STYX: variants seen among roughly 807,000 people sequenced by gnomAD.
STYX encodes serine/threonine/tyrosine-interacting protein.
Under a neutral mutation model 42.7 loss-of-function variants are expected in STYX, and 20 were observed. The ratio of observed to expected loss-of-function variants is 0.47; its 90% CI spans 0.33 to 0.68. STYX has a LOEUF of 0.68. Ranked by LOEUF, STYX falls within the 30% of genes least tolerant of loss-of-function variation. The pLI is 0.02. For synonymous variants in STYX, 78 were observed against 81.9 expected (o/e 0.95, Z 0.26); for missense variants, 226 against 268.5 (o/e 0.84, Z 1.11).
In STYX at chr14:52,774,107, A is replaced by G. The variant is rs1218829616; in HGVS notation, c.*3001A>G. ...ACTGCAGTGACCTTTACTTGTATCT[A>G]CTCTGTGGTGGAAATGTTAAACCAT... On this transcript the variant is annotated 3_prime_UTR_variant, in exon 11 of 11. Coordinates refer to ENST00000354586, the MANE Select transcript of STYX (RefSeq NM_145251.4). 6.6e-6 allele frequency: 1 copy of G among 152,062 alleles called. No homozygotes were observed. Among genetic ancestry groups the G allele is most frequent in the Non-Finnish European group, 1.5e-5 (1 of 67,990 alleles). 9.4% of individuals were successfully genotyped at this position (152,062 alleles called of 1,614,324 possible).
chr14:52,751,898 C>CA (rs1312308270), intron 4 of STYX, among the ~76,000 whole-genome samples: 8 of 152,250 alleles, frequency 5.3e-5, no homozygotes, highest in African/African-American at 1.9e-4. Flanking sequence ...CACGGTGGCT[C>CA]ACGCCTGTAA....
At chr14:52,749,815 A>C (rs1881540038) in intron 3 of STYX, among the ~76,000 whole-genome samples, 1 of 152,204 alleles carries the variant, frequency 6.6e-6, no homozygotes, top group African/African-American at 2.4e-5. Context: ...AATGCTCCAA[A>C]GTGAAACTTT....
intron 3 of STYX, among the ~76,000 whole-genome samples, chr14:52,748,489 A>G (rs1002471167): frequency 6.6e-5 from 10 of 152,220 alleles, no homozygotes; most frequent in African/African-American, 2.4e-4. Context: ...GTTTAAATAA[A>G]AGGGACAAAT....
chr14:52,754,502 C>A (rs1881776632), intron 4 of STYX, among the ~76,000 whole-genome samples: 1 of 151,958 alleles, frequency 6.6e-6, no homozygotes, highest in African/African-American at 2.4e-5. Context: ...CATGAGCCAC[C>A]ACACCTGGCC....
In STYX at chr14:52,771,418, C is replaced by T. The variant is rs1168783880; in HGVS notation, c.*312C>T. The T allele has an allele frequency of 4.7e-6, 1 of 211,218 alleles. No individual in the cohort carries two copies. The highest frequency in any genetic ancestry group is 9.3e-6 in the Non-Finnish European group (1 of 106,962). 13.1% of individuals were successfully genotyped at this position (211,218 alleles called of 1,614,324 possible). A position where few individuals can be genotyped will look rare whatever the true frequency, so the allele number is the denominator to read the frequency against. ...TTATTGCAATAATGCACTTTTCATA[C>T]TTGAAATTTATTTGTATGATATAAA... On this transcript the variant is annotated 3_prime_UTR_variant, in exon 11 of 11. Coordinates refer to ENST00000354586, the MANE Select transcript of STYX (RefSeq NM_145251.4).
At chr14:52,738,257 C>T (rs191769671) in intron 1 of STYX, among the ~76,000 whole-genome samples, 6 of 152,316 alleles carry the variant, frequency 3.9e-5, no homozygotes, top group Admixed American at 1.3e-4. Flanking sequence ...CTAATGTTCT[C>T]TGAAGAAGGC....
intron 5 of STYX, among the ~76,000 whole-genome samples, chr14:52,756,828 C>T (rs1881889588): frequency 6.6e-6 from 1 of 151,878 alleles, no homozygotes; most frequent in Non-Finnish European, 1.5e-5. Flanking sequence ...GCTGGGATTA[C>T]AGGCATGAGC....
At chr14:52,764,935 C>T (rs1029593240) in intron 9 of STYX, among the ~76,000 whole-genome samples, 1 of 152,132 alleles carries the variant, frequency 6.6e-6, no homozygotes, top group Admixed American at 6.5e-5. Flanking sequence ...TCCCGAAGTG[C>T]TGGGATTACG....
intron 9 of STYX, among the ~76,000 whole-genome samples, chr14:52,767,851 T>G (rs1882369074): frequency 6.6e-6 from 1 of 152,172 alleles, no homozygotes; most frequent in South Asian, 2.1e-4. Flanking sequence ...CTCAGGTGAT[T>G]CTCATGTATA....
intron 1 of STYX, among the ~76,000 whole-genome samples, chr14:52,743,442 G>T (rs533075476): frequency 6.6e-6 from 1 of 151,926 alleles, no homozygotes; most frequent in Non-Finnish European, 1.5e-5. Flanking sequence ...AAATTATGGC[G>T]TGGTGGTGGG....
intron 1 of STYX, among the ~76,000 whole-genome samples, chr14:52,733,456 G>A (rs1011425432): frequency 6.6e-6 from 1 of 152,094 alleles, no homozygotes; most frequent in African/African-American, 2.4e-5. Flanking sequence ...AAGTTAGTCA[G>A]ATCCCACAGG....
Position 52,774,833 on chromosome 14 carries a change from G to T in STYX, c.*3727G>T, listed in dbSNP as rs1882655801. The T allele has an allele frequency of 6.6e-6, 1 of 152,094 alleles. No homozygotes were observed. The highest frequency in any genetic ancestry group is 2.4e-5 in the African/African-American group (1 of 41,412). 9.4% of individuals were successfully genotyped at this position (152,094 alleles called of 1,614,324 possible). Reference sequence around the variant, plus strand: ...TACCTTTGTATACACAATTGCTTAAGTTACTCTGCTTTTAACATTTGTACT... The same window carrying T: ...TACCTTTGTATACACAATTGCTTAATTTACTCTGCTTTTAACATTTGTACT... On this transcript the variant is annotated 3_prime_UTR_variant, in exon 11 of 11. Transcript: ENST00000354586.
At chr14:52,744,003 T>G (rs1881300892) in intron 1 of STYX, among the ~76,000 whole-genome samples, 2 of 152,160 alleles carry the variant, frequency 1.3e-5, no homozygotes. Context: ...TTTGTATTTT[T>G]AGTAGAGAAG....
intron 1 of STYX, among the ~76,000 whole-genome samples, chr14:52,733,740 A>C (rs79085565): frequency 0.016 from 2,419 of 152,328 alleles, 61 homozygotes; most frequent in East Asian, 0.11. Context: ...CAGTGTCACC[A>C]GTAGAGTCAT....
At chr14:52,737,821 G>A (rs1881015382) in intron 1 of STYX, among the ~76,000 whole-genome samples, 1 of 152,156 alleles carries the variant, frequency 6.6e-6, no homozygotes, top group African/African-American at 2.4e-5. Flanking sequence ...GTTTTAACAG[G>A]TTGGAGTGCA....
intron 9 of STYX, among the ~76,000 whole-genome samples, chr14:52,760,867 A>C (rs1481141022): frequency 6.6e-6 from 1 of 152,044 alleles, no homozygotes; most frequent in Non-Finnish European, 1.5e-5. Context: ...CGATACAGGC[A>C]TGCAATGTGT....
chr14:52,765,680 G>A (rs534875255), intron 9 of STYX, among the ~76,000 whole-genome samples: 3 of 152,246 alleles, frequency 2.0e-5, no homozygotes, highest in South Asian at 2.1e-4. Context: ...ATGGGGTGGC[G>A]GGGGAGATGG....
chr14:52,756,776 T>C (rs6572858), intron 5 of STYX, among the ~76,000 whole-genome samples, 165 bp downstream of exon 5: 76,397 of 149,032 alleles, frequency 0.51, 19,615 homozygotes, highest in South Asian at 0.57. Context: ...CAACCTCTGC[T>C]TCCCGGGTTC....
At chr14:52,766,773 C>T (rs953998169) in intron 9 of STYX, among the ~76,000 whole-genome samples, 3 of 151,480 alleles carry the variant, frequency 2.0e-5, no homozygotes, top group African/African-American at 7.3e-5. Flanking sequence ...ACCCCTTACC[C>T]CGGTATAGTT....
Sources: allele counts gnomAD v4.1 joint callset (sites outside exome capture counted in the v4.1 genomes callset), GRCh38; gene constraint gnomAD v4.1.1; transcripts MANE v1.5; gene names NCBI Gene and HGNC (gene_info 2026-07-23, HGNC 2026-07-21).